The following TRIM67 variants were observed in gnomAD, a reference collection of about 807,000 sequenced individuals.
The protein encoded by TRIM67 is tripartite motif containing 67, also known as tripartite motif-containing protein 67.
TRIM67 carries 39 observed loss-of-function variants against 71.0 expected under a neutral mutation model. The ratio of observed to expected loss-of-function variants is 0.55; its 90% CI spans 0.43 to 0.72. The LOEUF (loss-of-function observed/expected upper bound fraction) is 0.72. TRIM67 is among the 30% of genes least tolerant of loss of function. The pLI, the probability that TRIM67 is intolerant of heterozygous loss-of-function variation, is 0.00. For synonymous variants in TRIM67, 481 were observed against 473.9 expected (o/e 1.01, Z -0.19); for missense variants, 973 against 1,079.2 (o/e 0.90, Z 1.38).
chr1:231,212,204 C>A (rs1683890576), intron 8 of TRIM67, among the ~76,000 whole-genome samples: 1 of 152,144 alleles, frequency 6.6e-6, no homozygotes, highest in Non-Finnish European at 1.5e-5. Flanking sequence ...ACTTGAAAGA[C>A]AAATAGTTAC....
intron 1 of TRIM67, among the ~76,000 whole-genome samples, chr1:231,179,447 C>T (rs1351088914): frequency 6.6e-6 from 1 of 152,172 alleles, no homozygotes; most frequent in African/African-American, 2.4e-5. Context: ...GATTTCAACC[C>T]CAAATGTGAC....
chr1:231,163,745 C>T lies in TRIM67; in HGVS notation c.776C>T (p.Pro259Leu), dbSNP rs887346501. The part of the protein sequence containing the change: ...RLVQPPPPPP[P>L]PAEAASGPTG... Reference sequence around the variant, plus strand: ...GTGCAGCCGCCGCCGCCGCCGCCGCCGCCCGCCGAGGCAGCCTCCGGGCCC... The same window carrying T: ...GTGCAGCCGCCGCCGCCGCCGCCGCTGCCCGCCGAGGCAGCCTCCGGGCCC... The change falls in exon 1 of 10, where the codon CCG becomes CTG. Residue 259 changes from proline (P) to leucine (L), a missense_variant. By Grantham distance (98) the Pro-to-Leu change is moderately conservative (BLOSUM62 -3). Around this residue, in one of 2 missense-constraint regions of TRIM67, gnomAD observed 795 missense variants for 831.3 expected, o/e 0.96. Transcript: ENST00000366653. The T allele has an allele frequency of 6.7e-6, 10 of 1,492,702 alleles. No homozygotes were observed. In the African/African-American group the frequency reaches 7.3e-5, roughly 11 times the overall value. 92.5% of individuals were successfully genotyped at this position (1,492,702 alleles called of 1,614,324 possible). A position where few individuals can be genotyped will look rare whatever the true frequency, so the allele number is the denominator to read the frequency against.
chr1:231,192,240 C>T (rs182524784), intron 1 of TRIM67, among the ~76,000 whole-genome samples: 3 of 152,248 alleles, frequency 2.0e-5, no homozygotes, highest in South Asian at 2.1e-4. Context: ...TACAGGGTCT[C>T]GCCCTGGGCT....
intron 4 of TRIM67, 84 bp from the exon 5 acceptor site, chr1:231,201,274 C>A (rs1308784659): frequency 1.4e-6 from 2 of 1,447,370 alleles, no homozygotes; most frequent in Non-Finnish European, 9.3e-7. Context: ...CCCATAGAGA[C>A]AAAGTCCCTA....
Position 231,217,921 on chromosome 1 carries a change from C to G in TRIM67, c.*2481C>G. On this transcript the variant is annotated 3_prime_UTR_variant, in exon 10 of 10. Coordinates refer to ENST00000366653, the MANE Select transcript of TRIM67 (RefSeq NM_001004342.5). ...AGTCCAGAGAGGTGCAGCCAGGACT[C>G]CCTCCTCCCCACTGCCACCCTGAGC... The G allele has an allele frequency of 2.3e-6, 3 of 1,283,754 alleles. No individual in the cohort carries two copies. The highest frequency in any genetic ancestry group is 2.0e-6 in the Non-Finnish European group (2 of 986,164). The allele number at this position is 1,283,754 out of a possible 1,614,324, so 79.5% of individuals were successfully genotyped here. A position where few individuals can be genotyped will look rare whatever the true frequency, so the allele number is the denominator to read the frequency against.
intron 1 of TRIM67, among the ~76,000 whole-genome samples, chr1:231,181,987 A>G (rs553177998): frequency 3.9e-5 from 6 of 152,348 alleles, no homozygotes; most frequent in African/African-American, 4.8e-5. Context: ...CTTCCGCAGC[A>G]TGTTATCCTC....
chr1:231,187,114 G>A (rs914501710), intron 1 of TRIM67, among the ~76,000 whole-genome samples: 6 of 152,330 alleles, frequency 3.9e-5, no homozygotes, highest in Admixed American at 3.3e-4. Context: ...AGTCGTAGCT[G>A]TGTTGTTGGA....
In TRIM67 at chr1:231,167,483, C is replaced by T. The variant is rs979924389; in HGVS notation, c.1044+3470C>T. On this transcript the variant is annotated intron_variant, in intron 1 of 9. Transcript: ENST00000366653. ...GACTACAGGCGCCCGCCACTACGCC[C>T]GGCTAATTTTTTGTATTTTTAGTAG... 3.2e-5 allele frequency among the ~76,000 whole-genome samples: 4 copies of T among 126,510 alleles called. 1 individual carries two copies. The highest frequency in any genetic ancestry group is 1.6e-4 in the Admixed American group (2 of 12,772). 83.0% of individuals were successfully genotyped at this position (126,510 alleles called of 152,430 possible). A position where few individuals can be genotyped will look rare whatever the true frequency, so the allele number is the denominator to read the frequency against.
chr1:231,163,213 G>C lies in TRIM67; in HGVS notation c.244G>C (p.Gly82Arg), dbSNP rs1444383844. Residue 82 changes from glycine to arginine, a missense_variant, in exon 1 of 10, where the codon GGG becomes CGG. This residue lies in a region of TRIM67 where 795 missense variants were observed against 831.3 expected (regional missense o/e 0.96). Transcript: ENST00000366653. ...AAGPACGGAG[G>R]SAAGGLGGGA... ...TGGCCCGGCCTGCGGCGGTGCAGGCGGGAGTGCAGCTGGCGGCCTCGGCGG... is the reference window on the plus strand; with the variant it reads ...TGGCCCGGCCTGCGGCGGTGCAGGCCGGAGTGCAGCTGGCGGCCTCGGCGG... The C allele has an allele frequency of 6.7e-7, 1 of 1,495,860 alleles. No homozygotes were observed. The highest frequency in any genetic ancestry group is 2.2e-5 in the Admixed American group (1 of 45,550). The allele number at this position is 1,495,860 out of a possible 1,614,324, so 92.7% of individuals were successfully genotyped here. A position where few individuals can be genotyped will look rare whatever the true frequency, so the allele number is the denominator to read the frequency against.
At chr1:231,211,801 C>T (rs1683879641) in intron 8 of TRIM67, among the ~76,000 whole-genome samples, 1 of 152,152 alleles carries the variant, frequency 6.6e-6, no homozygotes, top group South Asian at 2.1e-4. Flanking sequence ...TGAGCGGGCG[C>T]GGTGGCTCAA....
chr1:231,189,296 A>G (rs1401285458), intron 1 of TRIM67, among the ~76,000 whole-genome samples: 1 of 152,230 alleles, frequency 6.6e-6, no homozygotes, highest in Non-Finnish European at 1.5e-5. Context: ...GACGACATCC[A>G]TATCTTTATT....
chr1:231,164,785 G>T lies in TRIM67; in HGVS notation c.1044+772G>T, dbSNP rs573878011. Among the ~76,000 whole-genome samples, 20 of 152,156 alleles carry T rather than the reference G, an allele frequency of 1.3e-4. 1 individual carries two copies. The South Asian group carries it at 3.9e-3, about 30-fold the overall frequency. ...AGTAATTGGCCAAGGCTATCCAACT[G>T]GAAATAAGCAAAAAGGTGAGCACAG... On this transcript the variant is annotated intron_variant, in intron 1 of 9. Coordinates refer to ENST00000366653, the MANE Select transcript of TRIM67 (RefSeq NM_001004342.5).
chr1:231,180,561 A>G (rs1416355616), intron 1 of TRIM67, among the ~76,000 whole-genome samples: 6 of 152,130 alleles, frequency 3.9e-5, no homozygotes, highest in African/African-American at 7.2e-5. Flanking sequence ...TGCCAAATCT[A>G]TTGCATTGAA....
intron 8 of TRIM67, among the ~76,000 whole-genome samples, chr1:231,212,798 C>G (rs566979598): frequency 1.1e-4 from 16 of 152,156 alleles, no homozygotes; most frequent in African/African-American, 2.9e-4. Flanking sequence ...CCAAGCCCCC[C>G]CTTGGGAGCA....
At chr1:231,181,481 T>A (rs541556678) in intron 1 of TRIM67, among the ~76,000 whole-genome samples, 1 of 152,366 alleles carries the variant, frequency 6.6e-6, no homozygotes, top group Admixed American at 6.5e-5. Context: ...TGTTTGTTAC[T>A]GCAGCGTCAC....
chr1:231,221,095 T>G lies in TRIM67; in HGVS notation c.*5655T>G, dbSNP rs970617177. 1.3e-5 allele frequency: 2 copies of G among 152,186 alleles called. No homozygotes were observed. The highest frequency in any genetic ancestry group is 2.9e-5 in the Non-Finnish European group (2 of 68,046). 9.4% of individuals were successfully genotyped at this position (152,186 alleles called of 1,614,324 possible). A position where few individuals can be genotyped will look rare whatever the true frequency, so the allele number is the denominator to read the frequency against. On this transcript the variant is annotated 3_prime_UTR_variant, in exon 10 of 10. Transcript: ENST00000366653. The stretch of plus-strand genomic sequence containing the variant: ...AAAGCAGAAAACATTCAATGCATGA[T>G]GTAGGATTGCTGCGTTGGCACTAAG...
rs527942538 is a variant in TRIM67, at chr1:231,215,747, A to G, written c.*307A>G. The stretch of plus-strand genomic sequence containing the variant: ...GAGTCAGCATTCGGGCTTCATGTCT[A>G]TGTTTCCTGCCATCTGTTTTCAAAG... On this transcript the variant is annotated 3_prime_UTR_variant, in exon 10 of 10. Coordinates refer to ENST00000366653, the MANE Select transcript of TRIM67 (RefSeq NM_001004342.5). The G allele has an allele frequency of 1.5e-5, 18 of 1,166,510 alleles. No homozygotes were observed. Among genetic ancestry groups the G allele is most frequent in the Admixed American group, 9.1e-5 (2 of 21,860 alleles). 72.3% of individuals were successfully genotyped at this position (1,166,510 alleles called of 1,614,324 possible).
chr1:231,175,111 C>T lies in TRIM67; in HGVS notation c.1044+11098C>T, dbSNP rs548265046. Among the ~76,000 whole-genome samples the T allele has an allele frequency of 2.0e-5, 3 of 152,328 alleles. No homozygotes were observed. In the East Asian group the frequency reaches 5.8e-4, roughly 29 times the overall value. On this transcript the variant is annotated intron_variant, in intron 1 of 9. Transcript: ENST00000366653. ...GCCTGGTGCAGACAGTGCAGCCATT[C>T]ATCATATTTCAAGTTTCATGTGAAT...
chr1:231,188,819 G>A lies in TRIM67; in HGVS notation c.1045-8552G>A, dbSNP rs969524643. ...GGTTGTTATTCTTATTGCTATTAAT[G>A]GGAAGTCACCAGTTGCTACTGATCC... On this transcript the variant is annotated intron_variant, in intron 1 of 9. Coordinates refer to ENST00000366653, the MANE Select transcript of TRIM67 (RefSeq NM_001004342.5). 3.3e-5 allele frequency among the ~76,000 whole-genome samples: 5 copies of A among 152,194 alleles called. No homozygotes were observed. In the East Asian group the frequency reaches 9.6e-4, roughly 29 times the overall value.
Sources: gnomAD v4.1 joint callset for allele counts (sites outside exome capture counted in the v4.1 genomes callset) on GRCh38, gnomAD v4.1.1 for gene constraint, gnomAD v4.1.1 regional missense constraint, MANE v1.5 for transcripts, NCBI Gene and HGNC (gene_info 2026-07-23, HGNC 2026-07-21) for gene names.